CIBAR2: variants seen among roughly 807,000 people sequenced by gnomAD.
The protein encoded by CIBAR2 is CBY1 interacting BAR domain containing 2.
In CIBAR2, 38 loss-of-function variants were observed where a neutral mutation model predicts 36.2. The observed-to-expected ratio is 1.05, with a 90% CI of 0.81 to 1.38. The LOEUF (loss-of-function observed/expected upper bound fraction) is 1.38. Among genes scored for constraint, CIBAR2 ranks in the 40% most tolerant of loss-of-function variants. CIBAR2 has a pLI of 0.00. For synonymous variants in CIBAR2, 182 were observed against 149.5 expected (o/e 1.22, Z -1.58); for missense variants, 481 against 383.4 (o/e 1.25, Z -2.13).
Position 85,098,936 on chromosome 16 carries a change from A to C in CIBAR2, c.*249T>G. On this transcript the variant is annotated 3_prime_UTR_variant, in exon 9 of 9. Coordinates refer to ENST00000539556, the MANE Select transcript of CIBAR2 (RefSeq NM_198491.3). ...GCAGTGGGCTCGGACCAAGAAATAGATAGCATAAAGAAAAACAATCAAAAC... is the reference window on the plus strand; with the variant it reads ...GCAGTGGGCTCGGACCAAGAAATAGCTAGCATAAAGAAAAACAATCAAAAC... 1 of 399,782 alleles carries C rather than the reference A, an allele frequency of 2.5e-6. No individual in the cohort carries two copies. The allele number at this position is 399,782 out of a possible 1,614,324, so 24.8% of individuals were successfully genotyped here.
intron 5 of CIBAR2, among the ~76,000 whole-genome samples, chr16:85,106,067 G>A (rs2073993695): frequency 6.6e-6 from 1 of 152,232 alleles, no homozygotes; most frequent in Non-Finnish European, 1.5e-5. Flanking sequence ...AGAGACAGCT[G>A]GGGGCTGGCA....
intron 6 of CIBAR2, among the ~76,000 whole-genome samples, chr16:85,104,486 T>C (rs2073979931): frequency 6.6e-6 from 1 of 152,122 alleles, no homozygotes; most frequent in Non-Finnish European, 1.5e-5. Flanking sequence ...GGTGGGTGGA[T>C]CAATTGAGGT....
intron 7 of CIBAR2, 126 bp from the exon 8 acceptor site, chr16:85,100,366 T>C: frequency 1.7e-6 from 1 of 602,774 alleles, no homozygotes; most frequent in Non-Finnish European, 3.0e-6. Context: ...AACTCCACGG[T>C]CCTCTCCAGG....
chr16:85,108,599 G>A (rs139791699), intron 2 of CIBAR2, among the ~76,000 whole-genome samples: 218 of 152,336 alleles, frequency 1.4e-3, no homozygotes, highest in African/African-American at 5.0e-3. Flanking sequence ...GGGGCCGGGC[G>A]CGATGGCTCA....
chr16:85,107,332 C>CA, intron 5 of CIBAR2, among the ~76,000 whole-genome samples: 4 of 152,102 alleles, frequency 2.6e-5, no homozygotes, highest in Admixed American at 2.6e-4. Context: ...TGCTGTGCCC[C>CA]ACGAGCTCCC....
At chr16:85,100,768 C>T (rs2073948809) in intron 7 of CIBAR2, among the ~76,000 whole-genome samples, 1 of 152,134 alleles carries the variant, frequency 6.6e-6, no homozygotes, top group Admixed American at 6.6e-5. Flanking sequence ...TGATTGAGTG[C>T]CGGGCGCGGT....
At position 85,108,020 on chromosome 16, in the gene CIBAR2, C is replaced by A; in HGVS notation, c.324+11G>T. The A allele has an allele frequency of 1.2e-6, 2 of 1,613,710 alleles. No individual in the cohort carries two copies. The highest frequency in any genetic ancestry group is 8.5e-7 in the Non-Finnish European group (1 of 1,179,706). On this transcript the variant is annotated intron_variant, in intron 3 of 8. Coordinates refer to ENST00000539556, the MANE Select transcript of CIBAR2 (RefSeq NM_198491.3). ...CAGGGATGCCACCCACACCGAGGTG[C>A]CCCGGCTCACCCGTGTCTGCTTGAT...
In CIBAR2 at chr16:85,099,055, T is replaced by C. The variant is rs1012920734; in HGVS notation, c.*130A>G. 2 of 1,118,086 alleles carry C rather than the reference T, an allele frequency of 1.8e-6. No individual in the cohort carries two copies. The highest frequency in any genetic ancestry group is 2.2e-5 in the South Asian group (1 of 44,676). 69.3% of individuals were successfully genotyped at this position (1,118,086 alleles called of 1,614,324 possible). A position where few individuals can be genotyped will look rare whatever the true frequency, so the allele number is the denominator to read the frequency against. ...CAAGTAGAAGAAGGAAATTCAGAGC[T>C]TGAAGACAAGGTCTTTGAATTAACA... is the stretch of plus-strand genomic sequence containing the variant. On this transcript the variant is annotated 3_prime_UTR_variant, in exon 9 of 9. Coordinates refer to ENST00000539556, the MANE Select transcript of CIBAR2 (RefSeq NM_198491.3).
chr16:85,111,999 C>T (rs2074046376), intron 1 of CIBAR2, among the ~76,000 whole-genome samples: 1 of 152,148 alleles, frequency 6.6e-6, no homozygotes. Context: ...GACTGGGTCC[C>T]CACAGAAGGG....
At chr16:85,105,052 T>G (rs1036797315) in intron 6 of CIBAR2, among the ~76,000 whole-genome samples, 1 of 152,208 alleles carries the variant, frequency 6.6e-6, no homozygotes, top group Non-Finnish European at 1.5e-5. Flanking sequence ...AGACAAACTC[T>G]TCCTGGCTAG....
Position 85,102,339 on chromosome 16 carries a change from G to A in CIBAR2, c.538-12C>T. The A allele has an allele frequency of 6.8e-7, 1 of 1,477,370 alleles. No homozygotes were observed. 91.5% of individuals were successfully genotyped at this position (1,477,370 alleles called of 1,614,324 possible). On this transcript the variant is annotated splice_polypyrimidine_tract_variant and intron_variant, in intron 6 of 8. Coordinates refer to ENST00000539556, the MANE Select transcript of CIBAR2 (RefSeq NM_198491.3). Reference sequence around the variant, plus strand: ...TCACAAAAAAATTTCTGTGGGGAGAGAAACCCAAAGAATGTAAGCATCGCA... The same window carrying A: ...TCACAAAAAAATTTCTGTGGGGAGAAAAACCCAAAGAATGTAAGCATCGCA...
Position 85,105,445 on chromosome 16 carries a change from C to T in CIBAR2, c.433-14G>A, listed in dbSNP as rs1020054620. 6 of 1,601,678 alleles carry T rather than the reference C, an allele frequency of 3.7e-6. No homozygotes were observed. The highest frequency in any genetic ancestry group is 5.1e-6 in the Non-Finnish European group (6 of 1,169,108). The stretch of plus-strand genomic sequence containing the variant: ...TCTGGTCTCTGCCTGGCCCCAGGGA[C>T]ACAAGACGTAGAAAGTGTCATGGGG... On this transcript the variant is annotated splice_polypyrimidine_tract_variant and intron_variant, in intron 5 of 8. Coordinates refer to ENST00000539556, the MANE Select transcript of CIBAR2 (RefSeq NM_198491.3).
chr16:85,104,307 G>C (rs2144161398), intron 6 of CIBAR2, among the ~76,000 whole-genome samples: 1 of 152,342 alleles, frequency 6.6e-6, no homozygotes. Flanking sequence ...CCGCAGGCCT[G>C]AGCCAGGGCT....
intron 7 of CIBAR2, 29 bp from the exon 8 acceptor site, chr16:85,100,269 A>T: frequency 6.7e-7 from 1 of 1,489,646 alleles, no homozygotes; most frequent in Non-Finnish European, 9.2e-7. Context: ...GGTGGGTGGG[A>T]TCCGATGGGA....
In CIBAR2 at chr16:85,112,463, C is replaced by T; in HGVS notation, c.-111G>A. The stretch of plus-strand genomic sequence containing the variant: ...GCTGGGTGCAGCTGTGTGGCCTGGG[C>T]TCAAGGGACGCTGCCACCCGGTTGC... On this transcript the variant is annotated 5_prime_UTR_variant, in exon 1 of 9. Coordinates refer to ENST00000539556, the MANE Select transcript of CIBAR2 (RefSeq NM_198491.3). 3 of 1,121,498 alleles carry T rather than the reference C, an allele frequency of 2.7e-6. No homozygotes were observed. The South Asian group carries it at 3.8e-5, about 14-fold the overall frequency. The allele number at this position is 1,121,498 out of a possible 1,614,324, so 69.5% of individuals were successfully genotyped here.
intron 6 of CIBAR2, among the ~76,000 whole-genome samples, chr16:85,104,808 G>A (rs184699849): frequency 1.4e-4 from 21 of 152,186 alleles, no homozygotes; most frequent in Non-Finnish European, 2.1e-4. Context: ...GAATCTCTGC[G>A]ATCAGCTAGT....
chr16:85,112,123 C>A (rs993294808), intron 1 of CIBAR2, among the ~76,000 whole-genome samples: 1 of 152,180 alleles, frequency 6.6e-6, no homozygotes, highest in South Asian at 2.1e-4. Context: ...GAGAAGCAGA[C>A]GGAGGCCAGA....
At chr16:85,107,259 G>T (rs907651413) in intron 5 of CIBAR2, among the ~76,000 whole-genome samples, 3 of 152,070 alleles carry the variant, frequency 2.0e-5, no homozygotes, top group African/African-American at 7.2e-5. Flanking sequence ...CTACCTCCCG[G>T]CCCCTGCATC....
chr16:85,109,667 T>G (rs2144176502), intron 2 of CIBAR2, among the ~76,000 whole-genome samples: 1 of 152,248 alleles, frequency 6.6e-6, no homozygotes, highest in South Asian at 2.1e-4. Context: ...CCACAGCTGC[T>G]TATTTATTTA....
Sources: allele counts gnomAD v4.1 joint callset (sites outside exome capture counted in the v4.1 genomes callset), GRCh38; gene constraint gnomAD v4.1.1; transcripts MANE v1.5; gene names NCBI Gene and HGNC (gene_info 2026-07-23, HGNC 2026-07-21).